RGS20: variants seen among roughly 807,000 people sequenced by gnomAD.
RGS20 encodes the protein gz-selective GTPase-activating protein.
Under a neutral mutation model 33.6 loss-of-function variants are expected in RGS20, and 30 were observed. The ratio of observed to expected loss-of-function variants is 0.89; its 90% CI spans 0.67 to 1.21. The LOEUF (loss-of-function observed/expected upper bound fraction) is 1.21. Ranked by LOEUF, RGS20 falls within the 50% of genes most tolerant of loss-of-function variation. The pLI, the probability that RGS20 is intolerant of heterozygous loss-of-function variation, is 0.00. For synonymous variants in RGS20, 208 were observed against 197.9 expected (o/e 1.05, Z -0.43); for missense variants, 472 against 502.4 (o/e 0.94, Z 0.58).
intron 2 of RGS20, among the ~76,000 whole-genome samples, chr8:53,907,439 C>G (rs1373924952): frequency 6.6e-6 from 1 of 151,950 alleles, no homozygotes; most frequent in Non-Finnish European, 1.5e-5. Context: ...TAAACATTAG[C>G]TTGGCATGGT....
chr8:53,947,990 T>C (rs1814571278), intron 4 of RGS20, among the ~76,000 whole-genome samples: 1 of 136,428 alleles, frequency 7.3e-6, no homozygotes, highest in Non-Finnish European at 1.5e-5. Flanking sequence ...ATAGTATATA[T>C]ATTTATATAT....
At chr8:53,873,146 C>T (rs1301088471) in intron 1 of RGS20, among the ~76,000 whole-genome samples, 2 of 152,138 alleles carry the variant, frequency 1.3e-5, no homozygotes, top group Non-Finnish European at 2.9e-5. Flanking sequence ...ATTGCTCCCC[C>T]TCTTGCCATG....
intron 3 of RGS20, among the ~76,000 whole-genome samples, chr8:53,941,436 G>GA (rs1158442716): frequency 1.3e-5 from 2 of 151,508 alleles, no homozygotes; most frequent in African/African-American, 2.4e-5. Flanking sequence ...TACTTCAGAG[G>GA]AAAAAAAGGG....
rs1289006728 is a variant in RGS20, at chr8:53,879,543, C to G, written c.451C>G (p.His151Asp). 2.6e-6 allele frequency: 4 copies of G among 1,542,648 alleles called. No individual in the cohort carries two copies. The highest frequency in any genetic ancestry group is 3.5e-6 in the Non-Finnish European group (4 of 1,144,756). ...GGGGGGTCGTCCGCTGAGGCCCCCC[C>G]ATCCGGTAGCCAAGCCCAGGGAAGA... is the stretch of plus-strand genomic sequence containing the variant. Residue 151 changes from histidine (H) to aspartate (D), a missense_variant, in exon 2 of 6, where the codon CAT (histidine) becomes GAT (aspartate). His to Asp is a moderately conservative substitution (Grantham distance 81). Transcript: ENST00000297313.
chr8:53,899,104 C>T (rs1248988227), intron 2 of RGS20, among the ~76,000 whole-genome samples: 2 of 152,242 alleles, frequency 1.3e-5, no homozygotes, highest in Non-Finnish European at 2.9e-5. Flanking sequence ...CCCACACTAA[C>T]TACAATGCTG....
chr8:53,945,947 T>C (rs1330280804), intron 3 of RGS20, among the ~76,000 whole-genome samples: 1 of 151,108 alleles, frequency 6.6e-6, no homozygotes, highest in Non-Finnish European at 1.5e-5. Context: ...GAGATAAAAG[T>C]ACAAATTCCA....
At chr8:53,885,479 TA>T (rs1753836438) in intron 2 of RGS20, among the ~76,000 whole-genome samples, 1 of 152,202 alleles carries the variant, frequency 6.6e-6, no homozygotes, top group African/African-American at 2.4e-5. Context: ...CTGGGCGTAT[TA>T]GCGGGCGTCT....
chr8:53,950,913 A>G (rs2129293491), intron 4 of RGS20, among the ~76,000 whole-genome samples: 1 of 152,172 alleles, frequency 6.6e-6, no homozygotes, highest in East Asian at 1.9e-4. Context: ...GTTTTTATCC[A>G]CTAATCTATA....
intron 1 of RGS20, among the ~76,000 whole-genome samples, chr8:53,873,768 T>C (rs376215941): frequency 2.0e-5 from 3 of 152,144 alleles, no homozygotes; most frequent in Non-Finnish European, 2.9e-5. Flanking sequence ...ACAAGTGCTA[T>C]AGAAAAAAAA....
At chr8:53,940,483 C>T (rs1713012663) in intron 3 of RGS20, among the ~76,000 whole-genome samples, 2 of 152,170 alleles carry the variant, frequency 1.3e-5, no homozygotes, top group Admixed American at 1.3e-4. Context: ...GTAAGTTAGA[C>T]CAAGACCTCA....
intron 2 of RGS20, among the ~76,000 whole-genome samples, chr8:53,882,172 G>A (rs1812404788): frequency 6.6e-6 from 1 of 152,192 alleles, no homozygotes. Context: ...AGGTTTGCGT[G>A]CGCTGCGGCC....
In RGS20 at chr8:53,910,711, A is replaced by G. The variant is rs188197753; in HGVS notation, c.511-28865A>G. The stretch of plus-strand genomic sequence containing the variant: ...AATGTCCATCAGTAGGTGCCTGGAC[A>G]GACAGTTATAACCATATAATTGAGT... On this transcript the variant is annotated intron_variant, in intron 2 of 5. Transcript: ENST00000297313. 1.6e-3 allele frequency among the ~76,000 whole-genome samples: 249 copies of G among 152,364 alleles called. 1 individual carries two copies. Among genetic ancestry groups the G allele is most frequent in the Non-Finnish European group, 8.8e-4 (60 of 68,036 alleles).
chr8:53,922,728 A>C (rs770044581), intron 2 of RGS20, among the ~76,000 whole-genome samples: 51 of 152,214 alleles, frequency 3.4e-4, no homozygotes, highest in Non-Finnish European at 6.5e-4. Flanking sequence ...GCTGGAGTGC[A>C]GTGGTGCAAT....
chr8:53,937,299 A>G (rs918560338), intron 2 of RGS20, among the ~76,000 whole-genome samples: 3 of 151,866 alleles, frequency 2.0e-5, no homozygotes, highest in African/African-American at 7.2e-5. Context: ...AATAATAAAT[A>G]AATAAATAAA....
intron 2 of RGS20, among the ~76,000 whole-genome samples, chr8:53,882,937 C>T (rs1244895179): frequency 6.6e-6 from 1 of 152,168 alleles, no homozygotes; most frequent in Non-Finnish European, 1.5e-5. Context: ...GGCTCCAAAC[C>T]GTGGAATTGA....
rs115903573 is a variant in RGS20 at position 53,865,342 on chromosome 8, A to C, written c.165+13278A>C. Among the ~76,000 whole-genome samples, 301 of 152,360 alleles carry C rather than the reference A, an allele frequency of 2.0e-3. 1 individual carries two copies. Among genetic ancestry groups the C allele is most frequent in the African/African-American group, 6.7e-3 (280 of 41,590 alleles). On this transcript the variant is annotated intron_variant, in intron 1 of 5. Transcript: ENST00000297313. ...CAGGGTCTACTCATGCAATTGCTGC[A>C]GCCTCTATCCCACAGTTTCTCGCCT...
chr8:53,896,506 C>G (rs1160412988), intron 2 of RGS20, among the ~76,000 whole-genome samples: 1 of 152,096 alleles, frequency 6.6e-6, no homozygotes, highest in African/African-American at 2.4e-5. Context: ...TACCTCTGGA[C>G]TATAGCATAA....
At chr8:53,879,003 A>G (rs750346374) in intron 1 of RGS20, among the ~76,000 whole-genome samples, 22 of 152,016 alleles carry the variant, frequency 1.4e-4, no homozygotes, top group Non-Finnish European at 2.8e-4. Context: ...GGGGCTCAAG[A>G]GTCTTTATTT....
At chr8:53,882,081 G>C (rs1484636429) in intron 2 of RGS20, among the ~76,000 whole-genome samples, 1 of 152,160 alleles carries the variant, frequency 6.6e-6, no homozygotes, top group Non-Finnish European at 1.5e-5. Flanking sequence ...CTCTGTGTGC[G>C]CGGCGATCCC....
Sources: allele counts gnomAD v4.1 joint callset (sites outside exome capture counted in the v4.1 genomes callset), GRCh38; gene constraint gnomAD v4.1.1; transcripts MANE v1.5; gene names NCBI Gene and HGNC (gene_info 2026-07-23, HGNC 2026-07-21).